Variants in CDH12 observed in about 807,000 individuals in gnomAD.
CDH12 encodes the protein cadherin-12.
CDH12 carries 41 observed loss-of-function variants against 74.1 expected under a neutral mutation model. The observed-to-expected ratio is 0.55, with a 90% CI of 0.43 to 0.72. The LOEUF is 0.72. Ranked by LOEUF, CDH12 falls within the 30% of genes least tolerant of loss-of-function variation. The pLI, the probability that CDH12 is intolerant of heterozygous loss-of-function variation, is 0.00. For synonymous variants in CDH12, 399 were observed against 355.0 expected (o/e 1.12, Z -1.39); for missense variants, 945 against 977.2 (o/e 0.97, Z 0.44).
chr5:22,423,388 G>A (rs1743742533), intron 2 of CDH12, among the ~76,000 whole-genome samples: 1 of 152,068 alleles, frequency 6.6e-6, no homozygotes, highest in Non-Finnish European at 1.5e-5. Flanking sequence ...GATCAGAACT[G>A]GGATCCAGTC....
At chr5:22,483,032 C>T (rs1473008274) in intron 2 of CDH12, among the ~76,000 whole-genome samples, 1 of 152,094 alleles carries the variant, frequency 6.6e-6, no homozygotes, top group East Asian at 1.9e-4. Flanking sequence ...GGAAGAAACT[C>T]ACACCTCCCC....
chr5:22,270,113 T>C (rs1736322375), intron 3 of CDH12, among the ~76,000 whole-genome samples: 1 of 152,210 alleles, frequency 6.6e-6, no homozygotes, highest in South Asian at 2.1e-4. Flanking sequence ...GGAGTTCTGC[T>C]TATTGTTATA....
At chr5:22,232,204 A>G (rs931109089) in intron 3 of CDH12, among the ~76,000 whole-genome samples, 1 of 151,956 alleles carries the variant, frequency 6.6e-6, no homozygotes, top group South Asian at 2.1e-4. Context: ...CTTAATAAAT[A>G]TATAAAAACA....
chr5:22,481,930 A>G (rs1008746198), intron 2 of CDH12, among the ~76,000 whole-genome samples: 1 of 152,144 alleles, frequency 6.6e-6, no homozygotes, highest in Non-Finnish European at 1.5e-5. Context: ...AGTGAAGGAT[A>G]AGTTATTTGT....
At chr5:22,300,314 G>A (rs1307923342) in intron 3 of CDH12, among the ~76,000 whole-genome samples, 1 of 152,132 alleles carries the variant, frequency 6.6e-6, no homozygotes, top group Non-Finnish European at 1.5e-5. Context: ...GTATGCACTG[G>A]TTCCTCTCCT....
chr5:22,276,939 A>G (rs529403016), intron 3 of CDH12, among the ~76,000 whole-genome samples: 6 of 152,352 alleles, frequency 3.9e-5, no homozygotes, highest in Admixed American at 3.9e-4. Flanking sequence ...TTTATAGATG[A>G]GAAAATGGAG....
intron 14 of CDH12, among the ~76,000 whole-genome samples, chr5:21,755,055 T>C (rs1744308794): frequency 6.6e-6 from 1 of 152,230 alleles, no homozygotes; most frequent in Admixed American, 6.6e-5. Flanking sequence ...GAATTACTTA[T>C]GGATGGCAGT....
intron 3 of CDH12, among the ~76,000 whole-genome samples, chr5:22,305,683 C>T (rs1399667068): frequency 6.6e-6 from 1 of 152,078 alleles, no homozygotes; most frequent in Non-Finnish European, 1.5e-5. Flanking sequence ...CTGTGAGTTC[C>T]GCTGGCCTCA....
At chr5:22,535,242 C>T (rs1410305283) in intron 1 of CDH12, among the ~76,000 whole-genome samples, 1 of 150,244 alleles carries the variant, frequency 6.7e-6, no homozygotes, top group Non-Finnish European at 1.5e-5. Context: ...GCAAGCTCCG[C>T]TTCCCGGGTT....
intron 3 of CDH12, among the ~76,000 whole-genome samples, chr5:22,376,194 T>C (rs1005380297): frequency 2.6e-5 from 4 of 152,078 alleles, no homozygotes; most frequent in Non-Finnish European, 5.9e-5. Flanking sequence ...TGAGAAAAGC[T>C]AGGCACAGAA....
At chr5:22,555,095 G>T (rs533580356) in intron 1 of CDH12, among the ~76,000 whole-genome samples, 1 of 152,170 alleles carries the variant, frequency 6.6e-6, no homozygotes, top group South Asian at 2.1e-4. Flanking sequence ...AAATTTCCCT[G>T]TAACAGTCTT....
intron 1 of CDH12, among the ~76,000 whole-genome samples, chr5:22,655,794 C>A (rs1740004035): frequency 6.6e-6 from 1 of 152,162 alleles, no homozygotes; most frequent in African/African-American, 2.4e-5. Context: ...ACACTGATAT[C>A]TTTAAACATG....
chr5:21,873,350 T>C (rs1333944685), intron 6 of CDH12, among the ~76,000 whole-genome samples: 1 of 152,186 alleles, frequency 6.6e-6, no homozygotes, highest in East Asian at 1.9e-4. Context: ...TGTAACCTAC[T>C]TAAAGCCAAC....
chr5:22,006,946 T>A (rs1046333299), intron 5 of CDH12, among the ~76,000 whole-genome samples: 1 of 152,146 alleles, frequency 6.6e-6, no homozygotes, highest in Non-Finnish European at 1.5e-5. Context: ...TCATTTCCTT[T>A]AATATTGGCC....
intron 1 of CDH12, among the ~76,000 whole-genome samples, chr5:22,842,958 G>A (rs894323764): frequency 1.3e-5 from 2 of 151,992 alleles, no homozygotes; most frequent in Admixed American, 6.6e-5. Context: ...CAGAGAAAAG[G>A]CAGGTGCATT....
intron 8 of CDH12, among the ~76,000 whole-genome samples, chr5:21,829,901 T>G (rs1748905637): frequency 6.6e-6 from 1 of 152,060 alleles, no homozygotes; most frequent in Non-Finnish European, 1.5e-5. Flanking sequence ...TTTTGTCTGT[T>G]AGAAATGTTT....
At chr5:21,753,739 T>C (rs1442167468) in intron 14 of CDH12, among the ~76,000 whole-genome samples, 1 of 152,166 alleles carries the variant, frequency 6.6e-6, no homozygotes, top group African/African-American at 2.4e-5. Flanking sequence ...ATAGTGCTGG[T>C]GCTCTGTGGA....
At chr5:21,818,140 A>G (rs1195470448) in intron 8 of CDH12, among the ~76,000 whole-genome samples, 3 of 151,952 alleles carry the variant, frequency 2.0e-5, no homozygotes, top group Non-Finnish European at 1.5e-5. Context: ...ACAAAACTAA[A>G]CACCAAAATC....
At chr5:22,682,506 T>G (rs2126931061) in intron 1 of CDH12, among the ~76,000 whole-genome samples, 1 of 152,168 alleles carries the variant, frequency 6.6e-6, no homozygotes, top group Admixed American at 6.6e-5. Flanking sequence ...ACAGAGATTC[T>G]ATTTAAAATT....
Sources: gnomAD v4.1 joint callset for allele counts (sites outside exome capture counted in the v4.1 genomes callset) on GRCh38, gnomAD v4.1.1 for gene constraint, MANE v1.5 for transcripts, NCBI Gene and HGNC (gene_info 2026-07-23, HGNC 2026-07-21) for gene names.